HELQ: variants seen among roughly 807,000 people sequenced by gnomAD.
HELQ encodes the protein helicase POLQ-like.
HELQ carries 77 observed loss-of-function variants against 111.6 expected under a neutral mutation model. The ratio of observed to expected loss-of-function variants is 0.69; its 90% CI spans 0.57 to 0.83. HELQ has a LOEUF of 0.83. Among genes scored for constraint, HELQ ranks in the 40% least tolerant of loss-of-function variants. HELQ has a pLI of 0.00. For missense variants in HELQ, 1,200 were observed against 1,288.5 expected, an observed-to-expected ratio of 0.93 and a Z score of 1.05; for synonymous variants, 438 against 454.7, an observed-to-expected ratio of 0.96 and a Z score of 0.47.
intron 8 of HELQ, among the ~76,000 whole-genome samples, chr4:83,437,650 A>T (rs75081723): frequency 0.011 from 1,722 of 151,848 alleles, 28 homozygotes; most frequent in African/African-American, 0.04. Context: ...TTACATAAAT[A>T]CAACACTTTA....
At chr4:83,426,583 TGA>T (rs772127022) in intron 13 of HELQ, among the ~76,000 whole-genome samples, 1 of 151,668 alleles carries the variant, frequency 6.6e-6, no homozygotes, top group Non-Finnish European at 1.5e-5. Context: ...TTTTTTTTTT[TGA>T]GACAGTCTCA....
intron 16 of HELQ, among the ~76,000 whole-genome samples, chr4:83,417,563 T>C (rs1739432813): frequency 6.6e-6 from 1 of 152,120 alleles, no homozygotes; most frequent in Non-Finnish European, 1.5e-5. Flanking sequence ...TCTCTCTCTG[T>C]GTGTGTGCGT....
intron 6 of HELQ, among the ~76,000 whole-genome samples, chr4:83,442,119 TTTTC>T (rs1318172575): frequency 1.3e-5 from 2 of 152,192 alleles, no homozygotes; most frequent in Admixed American, 6.6e-5. Context: ...ACCACACTAT[TTTTC>T]TTTATTTGTC....
At chr4:83,437,340 C>A (rs1394669668) in intron 8 of HELQ, among the ~76,000 whole-genome samples, 1 of 152,050 alleles carries the variant, frequency 6.6e-6, no homozygotes, top group African/African-American at 2.4e-5. Flanking sequence ...AGGCGAAATG[C>A]GATGGCTCAT....
chr4:83,425,023 T>C (rs1471144711), intron 14 of HELQ, among the ~76,000 whole-genome samples: 1 of 152,050 alleles, frequency 6.6e-6, no homozygotes, highest in Non-Finnish European at 1.5e-5. Context: ...GAGCCACCTG[T>C]AATCCCAATG....
intron 2 of HELQ, among the ~76,000 whole-genome samples, chr4:83,452,474 C>T (rs1377001516): frequency 2.6e-5 from 4 of 152,200 alleles, no homozygotes; most frequent in Middle Eastern, 3.4e-3. Context: ...GAGGTAGCTG[C>T]GGCTGCTGGT....
chr4:83,430,303 A>T lies in HELQ; in HGVS notation c.2296-557T>A, dbSNP rs987850871. ...AAAAAAACAAAAAACAAAATAAATT[A>T]AAAAAAGAACTGAAAAAAAAAATAC... On this transcript the variant is annotated intron_variant, in intron 11 of 17. Coordinates refer to ENST00000295488, the MANE Select transcript of HELQ (RefSeq NM_133636.5). Among the ~76,000 whole-genome samples, 19 of 132,036 alleles carry T rather than the reference A, an allele frequency of 1.4e-4. 1 individual carries two copies. Among genetic ancestry groups the T allele is most frequent in the Admixed American group, 1.1e-3 (13 of 12,232 alleles). The allele number at this position is 132,036 out of a possible 152,430, so 86.6% of individuals were successfully genotyped here. A position where few individuals can be genotyped will look rare whatever the true frequency, so the allele number is the denominator to read the frequency against.
intron 14 of HELQ, among the ~76,000 whole-genome samples, chr4:83,424,975 G>T (rs1719768639): frequency 6.6e-6 from 1 of 152,012 alleles, no homozygotes; most frequent in South Asian, 2.1e-4. Flanking sequence ...AAATTTAAAA[G>T]GTATAGAGGA....
intron 11 of HELQ, among the ~76,000 whole-genome samples, chr4:83,430,852 C>T (rs1720104570): frequency 6.6e-6 from 1 of 151,366 alleles, no homozygotes; most frequent in South Asian, 2.1e-4. Context: ...CTGTTTCCTA[C>T]CTAAATGATT....
At chr4:83,440,758 G>C (rs1311589467) in intron 7 of HELQ, among the ~76,000 whole-genome samples, 1 of 152,122 alleles carries the variant, frequency 6.6e-6, no homozygotes, top group Non-Finnish European at 1.5e-5. Context: ...ATTTACAGGA[G>C]AGTTTTCCAA....
intron 17 of HELQ, among the ~76,000 whole-genome samples, chr4:83,415,946 CAT>C (rs760935122): frequency 1.9e-4 from 26 of 135,092 alleles, no homozygotes; most frequent in Non-Finnish European, 2.9e-4. Flanking sequence ...CGAACCCAGC[CAT>C]TTTTTTTTTT....
At position 83,446,014 on chromosome 4, in the gene HELQ, T is replaced by A; in HGVS notation, c.1465A>T (p.Lys489Ter). Residue 489 changes from lysine (K) to a stop codon, truncating the protein, a stop_gained and splice_region_variant, in exon 5 of 18, where the codon AAA becomes TAA. Coordinates refer to ENST00000295488, the MANE Select transcript of HELQ (RefSeq NM_133636.5). LOFTEE classifies it high-confidence loss of function. ...MTLAKILYTS[K>*]TTQIIGMSAT... is the part of the protein sequence containing the mutation. ...TGACCTCATTTGAAAAAATACTTAC[T>A]GCTAGTGTAGAGGATTTTTGCTAGG... is the stretch of plus-strand genomic sequence containing the variant. The A allele has an allele frequency of 6.3e-7, 1 of 1,590,874 alleles. No homozygotes were observed. Among genetic ancestry groups the A allele is most frequent in the Non-Finnish European group, 8.6e-7 (1 of 1,159,222 alleles).
intron 15 of HELQ, 146 bp from the exon 16 acceptor site, chr4:83,418,352 A>G: frequency 2.2e-6 from 1 of 456,088 alleles, no homozygotes; most frequent in Non-Finnish European, 3.9e-6. Flanking sequence ...ATTCTAAGCA[A>G]AACAGATGTG....
At chr4:83,433,708 T>C (rs1720287562) in intron 9 of HELQ, among the ~76,000 whole-genome samples, 1 of 140,956 alleles carries the variant, frequency 7.1e-6, no homozygotes, top group Non-Finnish European at 1.5e-5. Flanking sequence ...ATTGGCCGTG[T>C]GTGGTAGCTC....
At chr4:83,440,971 A>T (rs911906744) in intron 7 of HELQ, among the ~76,000 whole-genome samples, 16 of 152,240 alleles carry the variant, frequency 1.1e-4, no homozygotes, top group Admixed American at 8.5e-4. Context: ...GGATGTGTGC[A>T]CAACTTGGTA....
chr4:83,425,573 T>C (rs1719804397), intron 14 of HELQ, among the ~76,000 whole-genome samples: 1 of 152,186 alleles, frequency 6.6e-6, no homozygotes, highest in African/African-American at 2.4e-5. Flanking sequence ...AAATGCTTTA[T>C]GTAATATAAG....
chr4:83,426,300 A>C (rs749132918), intron 13 of HELQ, among the ~76,000 whole-genome samples: 20 of 152,160 alleles, frequency 1.3e-4, no homozygotes, highest in Non-Finnish European at 2.5e-4. Context: ...GCATAGCCAC[A>C]AGTACTGGTT....
At chr4:83,423,353 C>CTT (rs562469965) in intron 14 of HELQ, among the ~76,000 whole-genome samples, 19 of 152,132 alleles carry the variant, frequency 1.2e-4, no homozygotes, top group Non-Finnish European at 2.8e-4. Flanking sequence ...GAAATGAGAA[C>CTT]TTACGGTGAC....
chr4:83,445,930 T>C (rs1160352702), intron 5 of HELQ, 84 bp downstream of exon 5: 7 of 875,996 alleles, frequency 8.0e-6, no homozygotes, highest in Non-Finnish European at 1.1e-5. Context: ...TTAGGTTACA[T>C]ACTGTAGCTA....
Sources: allele counts gnomAD v4.1 joint callset (sites outside exome capture counted in the v4.1 genomes callset), GRCh38; gene constraint gnomAD v4.1.1; transcripts MANE v1.5; gene names NCBI Gene and HGNC (gene_info 2026-07-23, HGNC 2026-07-21).